Variants in ASTN2 observed in about 807,000 individuals in gnomAD.
The protein encoded by ASTN2 is astrotactin-2.
In ASTN2, 54 loss-of-function variants were observed where a neutral mutation model predicts 139.8. That is an observed-to-expected ratio of 0.39 (90% confidence interval 0.31 to 0.48). ASTN2 has a LOEUF of 0.48. Among genes scored for constraint, ASTN2 ranks in the 20% least tolerant of loss-of-function variants. The pLI is 0.95. For missense variants in ASTN2, 1,565 were observed against 1,725.1 expected, an observed-to-expected ratio of 0.91 and a Z score of 1.64; for synonymous variants, 756 against 719.5, an observed-to-expected ratio of 1.05 and a Z score of -0.81.
In ASTN2 at chr9:117,414,569, G is replaced by A. The variant is rs764043939; in HGVS notation, c.370C>T (p.Arg124Cys). The A allele has an allele frequency of 1.2e-6, 2 of 1,601,030 alleles. No homozygotes were observed. Among genetic ancestry groups the A allele is most frequent in the Admixed American group, 1.7e-5 (1 of 59,414 alleles). The change falls in exon 1 of 23, where the codon CGT (arginine) becomes TGT (cysteine). Residue 124 changes from arginine (R) to cysteine (C), a missense_variant. Arg to Cys is a radical substitution (Grantham distance 180). Coordinates refer to ENST00000313400, the MANE Select transcript of ASTN2 (RefSeq NM_001365068.1). This position sits in a 1 kb window ranked among gnomAD's most constrained non-coding sequence, Gnocchi z 4.2. ...GCGATGCGCCCCGGCAGCTCGTTAC[G>A]CACAAAGAGCAGGAGGCGCGACTCG... ...AAESRLLLFV[R>C]NELPGRIAVQ... is the part of the protein sequence containing the mutation.
chr9:117,362,287 G>A (rs1478235204), intron 1 of ASTN2, among the ~76,000 whole-genome samples: 1 of 152,042 alleles, frequency 6.6e-6, no homozygotes, highest in African/African-American at 2.4e-5. Context: ...TTGTGTGTGT[G>A]CTTTGAGACA....
chr9:116,847,048 CAA>C (rs1216533140), intron 11 of ASTN2, among the ~76,000 whole-genome samples: 1 of 101,678 alleles, frequency 9.8e-6, no homozygotes, highest in Non-Finnish European at 2.1e-5. Flanking sequence ...AAACAAAAAA[CAA>C]AAAAAAACAT....
At position 116,438,549 on chromosome 9, in the gene ASTN2, C is replaced by G. The variant is rs926597600; in HGVS notation, c.3782+2060G>C. 8.5e-5 allele frequency among the ~76,000 whole-genome samples: 13 copies of G among 152,098 alleles called. No individual in the cohort carries two copies. The South Asian group carries it at 2.5e-3, about 29-fold the overall frequency. The stretch of plus-strand genomic sequence containing the variant: ...GGTAGGGAAAGGATTTTAGGTGGTA[C>G]TCAAGATGATCACAGACCCAATATT... On this transcript the variant is annotated intron_variant, in intron 22 of 22. Coordinates refer to ENST00000313400, the MANE Select transcript of ASTN2 (RefSeq NM_001365068.1).
rs113080280 is a variant in ASTN2, at chr9:117,272,795, C to G, written c.630+18531G>C. Reference sequence around the variant, plus strand: ...AGTTCCTCATCACCATCTGAGACCACCTCGGCCTGGACCTTATTGTTCATA... The same window carrying G: ...AGTTCCTCATCACCATCTGAGACCAGCTCGGCCTGGACCTTATTGTTCATA... On this transcript the variant is annotated intron_variant, in intron 2 of 22. Coordinates refer to ENST00000313400, the MANE Select transcript of ASTN2 (RefSeq NM_001365068.1). Among the ~76,000 whole-genome samples, 664 of 152,318 alleles carry G rather than the reference C, an allele frequency of 4.4e-3. 6 individuals are homozygous for G. Among genetic ancestry groups the G allele is most frequent in the African/African-American group, 0.015 (637 of 41,570 alleles).
intron 13 of ASTN2, among the ~76,000 whole-genome samples, chr9:116,762,545 T>A (rs533259996): frequency 2.0e-5 from 3 of 152,372 alleles, no homozygotes; most frequent in African/African-American, 7.2e-5. Flanking sequence ...AATCCAGACT[T>A]CTGCCTGTTT....
chr9:117,160,645 T>C (rs1371699751), intron 3 of ASTN2, among the ~76,000 whole-genome samples: 1 of 152,090 alleles, frequency 6.6e-6, no homozygotes, highest in East Asian at 1.9e-4. Flanking sequence ...ATAATGACTT[T>C]CTATTTCATT....
At chr9:117,291,212 T>A in intron 2 of ASTN2, 114 bp downstream of exon 2, 1 of 1,340,584 alleles carries the variant, frequency 7.5e-7, no homozygotes, top group Non-Finnish European at 1.0e-6. Context: ...CATTCTAACC[T>A]CTTGAGTTTG....
intron 1 of ASTN2, among the ~76,000 whole-genome samples, chr9:117,296,050 TG>T (rs1181767315): frequency 6.6e-6 from 1 of 151,572 alleles, no homozygotes; most frequent in Non-Finnish European, 1.5e-5. Context: ...GAGGCCTAGG[TG>T]GGCGGATCAC....
intron 13 of ASTN2, among the ~76,000 whole-genome samples, chr9:116,768,277 G>T (rs1829863355): frequency 6.6e-6 from 1 of 151,408 alleles, no homozygotes; most frequent in African/African-American, 2.4e-5. Context: ...CCTTACCGTG[G>T]TTATTGATGA....
chr9:117,344,474 G>A (rs1829155583), intron 1 of ASTN2, among the ~76,000 whole-genome samples: 1 of 152,120 alleles, frequency 6.6e-6, no homozygotes, highest in Non-Finnish European at 1.5e-5. Flanking sequence ...TTAACGCTCA[G>A]TACCACAAAC....
intron 1 of ASTN2, among the ~76,000 whole-genome samples, chr9:117,299,936 T>C (rs911390205): frequency 6.6e-6 from 1 of 152,172 alleles, no homozygotes; most frequent in Non-Finnish European, 1.5e-5. Flanking sequence ...GGAGCACAAA[T>C]TACAGAGCCT....
At chr9:117,253,984 C>T (rs1833612069) in intron 2 of ASTN2, among the ~76,000 whole-genome samples, 1 of 152,140 alleles carries the variant, frequency 6.6e-6, no homozygotes, top group South Asian at 2.1e-4. Context: ...TGCCTACCTC[C>T]CCAGCCCTGA....
intron 1 of ASTN2, among the ~76,000 whole-genome samples, chr9:117,314,230 C>T (rs146348231): frequency 3.9e-5 from 6 of 152,136 alleles, no homozygotes; most frequent in South Asian, 2.1e-4. Context: ...ACCTCCCCAC[C>T]CCCACCATGA....
chr9:116,469,973 G>C (rs999987340), intron 20 of ASTN2, among the ~76,000 whole-genome samples: 5 of 152,112 alleles, frequency 3.3e-5, no homozygotes, highest in Admixed American at 6.6e-5. Context: ...AGGAGGCCGA[G>C]GTGGCAGGAT....
intron 10 of ASTN2, among the ~76,000 whole-genome samples, chr9:116,936,473 T>G (rs1180175846): frequency 6.6e-6 from 1 of 152,116 alleles, no homozygotes; most frequent in Non-Finnish European, 1.5e-5. Context: ...ATGGGGTAGG[T>G]TAAGCAATTT....
At chr9:116,452,213 G>T (rs1242942793) in intron 20 of ASTN2, among the ~76,000 whole-genome samples, 3 of 152,104 alleles carry the variant, frequency 2.0e-5, no homozygotes, top group Non-Finnish European at 4.4e-5. Flanking sequence ...GCAAATTGTA[G>T]GCTTTTAAAA....
intron 17 of ASTN2, among the ~76,000 whole-genome samples, chr9:116,630,352 A>T (rs1341550626): frequency 1.3e-5 from 2 of 152,176 alleles, no homozygotes; most frequent in African/African-American, 4.8e-5. Flanking sequence ...TATTGTTTCC[A>T]TGCAACCCTT....
intron 3 of ASTN2, among the ~76,000 whole-genome samples, chr9:117,198,599 C>T (rs1831591548): frequency 1.3e-5 from 2 of 152,146 alleles, no homozygotes; most frequent in Non-Finnish European, 2.9e-5. Context: ...CTGCAATAAA[C>T]ATACATGTGC....
intron 15 of ASTN2, among the ~76,000 whole-genome samples, chr9:116,728,420 C>T (rs549755895): frequency 3.3e-5 from 5 of 152,064 alleles, no homozygotes; most frequent in African/African-American, 1.2e-4. Flanking sequence ...ACGGTATGGG[C>T]AAAGTCACTG....
Sources: allele counts gnomAD v4.1 joint callset (sites outside exome capture counted in the v4.1 genomes callset), GRCh38; gene constraint gnomAD v4.1.1; non-coding constraint Gnocchi (gnomAD v3.1); transcripts MANE v1.5; gene names NCBI Gene and HGNC (gene_info 2026-07-23, HGNC 2026-07-21).